Variants in SLC71A2 observed in about 807,000 individuals in gnomAD.
SLC71A2 encodes the protein solute carrier family 71 member 2.
chr9:94,424,290 A>G, the SLC71A2 span, among the ~76,000 whole-genome samples: 6 of 151,744 alleles, frequency 4.0e-5, no homozygotes, highest in Non-Finnish European at 8.8e-5. Context: ...GCTGGAGTGC[A>G]GTGGTGCGAT....
At chr9:94,458,556 G>T in the SLC71A2 span, 2 of 1,216,042 alleles carry the variant, frequency 1.6e-6, no homozygotes, top group Non-Finnish European at 2.4e-6. Flanking sequence ...ATTCTTTCTT[G>T]TATGTTACTA....
the SLC71A2 span, among the ~76,000 whole-genome samples, chr9:94,382,914 C>T: frequency 6.6e-6 from 1 of 152,120 alleles, no homozygotes; most frequent in African/African-American, 2.4e-5. Context: ...AGGATGGTCT[C>T]AATCTCCTGA....
the SLC71A2 span, among the ~76,000 whole-genome samples, chr9:94,455,388 T>G: frequency 7.1e-6 from 1 of 140,470 alleles, no homozygotes; most frequent in African/African-American, 2.7e-5. Flanking sequence ...ATTTTTTTTT[T>G]TTTTTTTTTT....
the SLC71A2 span, chr9:94,415,272 G>A: frequency 1.3e-6 from 2 of 1,576,706 alleles, no homozygotes; most frequent in Non-Finnish European, 8.7e-7. Flanking sequence ...TGCTGAACTG[G>A]GTTTGTGTTT....
the SLC71A2 span, chr9:94,458,293 C>A: frequency 6.3e-7 from 1 of 1,588,108 alleles, no homozygotes; most frequent in Non-Finnish European, 8.5e-7. Flanking sequence ...TCTGAGAAGA[C>A]TGGCATTATT....
the SLC71A2 span, among the ~76,000 whole-genome samples, chr9:94,409,833 C>T: frequency 6.6e-6 from 1 of 151,166 alleles, no homozygotes; most frequent in Non-Finnish European, 1.5e-5. Flanking sequence ...TATAAATTAA[C>T]TCCTTTTAAA....
At chr9:94,458,494 C>T in the SLC71A2 span, 2 of 1,608,080 alleles carry the variant, frequency 1.2e-6, no homozygotes, top group South Asian at 2.2e-5. Context: ...AGTTTTGTAA[C>T]AACAATTATG....
At chr9:94,376,335 C>T in the SLC71A2 span, among the ~76,000 whole-genome samples, 3 of 151,128 alleles carry the variant, frequency 2.0e-5, no homozygotes, top group Admixed American at 6.6e-5. Flanking sequence ...GGTTTTTATC[C>T]TCTCCTATGC....
At chr9:94,435,900 C>T in the SLC71A2 span, among the ~76,000 whole-genome samples, 10 of 152,174 alleles carry the variant, frequency 6.6e-5, no homozygotes, top group Non-Finnish European at 1.5e-4. Context: ...ATCCGCCCGC[C>T]TCAACCTCCC....
chr9:94,415,768 G>A, the SLC71A2 span, among the ~76,000 whole-genome samples: 2 of 152,226 alleles, frequency 1.3e-5, no homozygotes, highest in South Asian at 4.2e-4. Flanking sequence ...CTGCTGATCT[G>A]ACAGGAGGCA....
the SLC71A2 span, among the ~76,000 whole-genome samples, chr9:94,414,099 TG>T: frequency 6.6e-6 from 1 of 152,164 alleles, no homozygotes; most frequent in African/African-American, 2.4e-5. Context: ...AACCTTTTGA[TG>T]GAATTGGCAG....
At chr9:94,378,641 T>G in the SLC71A2 span, among the ~76,000 whole-genome samples, 1 of 152,026 alleles carries the variant, frequency 6.6e-6, no homozygotes, top group Non-Finnish European at 1.5e-5. Flanking sequence ...GATCTTGTGG[T>G]AACTAATGGA....
At chr9:94,382,976 G>A in the SLC71A2 span, among the ~76,000 whole-genome samples, 28 of 152,122 alleles carry the variant, frequency 1.8e-4, no homozygotes, top group Non-Finnish European at 3.4e-4. Flanking sequence ...ACAGGCGTGA[G>A]TCATTGTGCT....
chr9:94,419,557 G>A, the SLC71A2 span, among the ~76,000 whole-genome samples: 3 of 151,946 alleles, frequency 2.0e-5, no homozygotes, highest in South Asian at 2.1e-4. Context: ...CGCCCACCTC[G>A]GCCTCCCAAA....
chr9:94,404,111 C>G, the SLC71A2 span, among the ~76,000 whole-genome samples: 9 of 152,086 alleles, frequency 5.9e-5, no homozygotes, highest in Admixed American at 2.0e-4. Context: ...TTTGGACTTC[C>G]CTGCCTCCAA....
the SLC71A2 span, chr9:94,374,509 C>CT: frequency 6.6e-6 from 1 of 152,292 alleles, no homozygotes; most frequent in South Asian, 2.1e-4. Flanking sequence ...CGGCGCCGGC[C>CT]TGTGGGGAGG....
chr9:94,422,350 C>T, the SLC71A2 span, among the ~76,000 whole-genome samples: 2 of 152,100 alleles, frequency 1.3e-5, no homozygotes, highest in Non-Finnish European at 2.9e-5. Context: ...TTTCAGAGTC[C>T]TGGAATCCTC....
At chr9:94,409,790 A>G in the SLC71A2 span, among the ~76,000 whole-genome samples, 28 of 151,908 alleles carry the variant, frequency 1.8e-4, no homozygotes, top group Non-Finnish European at 2.2e-4. Context: ...AATGATGTCT[A>G]ATTTCATTCT....
chr9:94,430,469 C>T, the SLC71A2 span, among the ~76,000 whole-genome samples: 2 of 151,730 alleles, frequency 1.3e-5, no homozygotes, highest in African/African-American at 2.4e-5. Flanking sequence ...GTGATCTGCC[C>T]GCCTTGGCCT....
Sources: gnomAD v4.1 joint callset for allele counts (sites outside exome capture counted in the v4.1 genomes callset) on GRCh38, gnomAD v4.1.1 for gene constraint, MANE v1.5 for transcripts, NCBI Gene and HGNC (gene_info 2026-07-23, HGNC 2026-07-21) for gene names.